The following SLC24A2 variants were observed in gnomAD, a reference collection of about 807,000 sequenced individuals.
SLC24A2 encodes sodium/potassium/calcium exchanger 2.
In SLC24A2, 36 loss-of-function variants were observed where a neutral mutation model predicts 62.0. That is an observed-to-expected ratio of 0.58 (90% CI 0.44 to 0.77). The LOEUF is 0.77. Among genes scored for constraint, SLC24A2 ranks in the 30% least tolerant of loss-of-function variants. The pLI is 0.00. For missense variants in SLC24A2, 846 were observed against 817.9 expected, an observed-to-expected ratio of 1.03 and a Z score of -0.42; for synonymous variants, 358 against 294.0, an observed-to-expected ratio of 1.22 and a Z score of -2.23.
the SLC24A2 span, among the ~76,000 whole-genome samples, chr9:19,955,391 T>TG: frequency 6.6e-6 from 1 of 151,192 alleles, no homozygotes; most frequent in African/African-American, 2.4e-5. Flanking sequence ...TTTTTTTTTT[T>TG]GTTTTCCTTT....
chr9:20,013,668 T>C, the SLC24A2 span, among the ~76,000 whole-genome samples: 1 of 152,120 alleles, frequency 6.6e-6, no homozygotes, highest in Admixed American at 6.6e-5. Flanking sequence ...AAGAAAACAG[T>C]TGAATATCAT....
chr9:19,560,621 T>G (rs1458875557), intron 7 of SLC24A2, among the ~76,000 whole-genome samples: 2 of 152,170 alleles, frequency 1.3e-5, no homozygotes, highest in East Asian at 1.9e-4. Flanking sequence ...AACCCCTAGA[T>G]CTGTGGCAAA....
the SLC24A2 span, among the ~76,000 whole-genome samples, chr9:19,838,317 GA>G: frequency 6.6e-6 from 1 of 152,088 alleles, no homozygotes; most frequent in Non-Finnish European, 1.5e-5. Flanking sequence ...AAGAAATGGG[GA>G]AAGGATTCCC....
intron 2 of SLC24A2, among the ~76,000 whole-genome samples, chr9:19,646,173 T>C (rs892458943): frequency 6.6e-6 from 1 of 152,246 alleles, no homozygotes; most frequent in African/African-American, 2.4e-5. Flanking sequence ...CCACTTTGTG[T>C]AACTAATAGT....
chr9:20,026,496 C>T, the SLC24A2 span, among the ~76,000 whole-genome samples: 1 of 152,060 alleles, frequency 6.6e-6, no homozygotes, highest in East Asian at 1.9e-4. Flanking sequence ...AATAAATGGC[C>T]TCAGAATTAC....
At chr9:20,183,094 C>A in the SLC24A2 span, among the ~76,000 whole-genome samples, 1 of 152,080 alleles carries the variant, frequency 6.6e-6, no homozygotes, top group Admixed American at 6.5e-5. Context: ...TTGAACTGAA[C>A]CTAAAATCTA....
At chr9:19,855,235 C>G in the SLC24A2 span, among the ~76,000 whole-genome samples, 3 of 152,146 alleles carry the variant, frequency 2.0e-5, no homozygotes, top group African/African-American at 7.2e-5. Context: ...GGTCTTGACT[C>G]TTTATCCAGC....
At chr9:20,238,693 G>A in the SLC24A2 span, among the ~76,000 whole-genome samples, 1 of 152,254 alleles carries the variant, frequency 6.6e-6, no homozygotes, top group Non-Finnish European at 1.5e-5. Context: ...ACACCCCAGT[G>A]TACATGTCTT....
At chr9:19,961,049 T>TGTGA in the SLC24A2 span, among the ~76,000 whole-genome samples, 2 of 148,644 alleles carry the variant, frequency 1.3e-5, no homozygotes, top group African/African-American at 2.5e-5. Context: ...TGTGTGTGTG[T>TGTGA]GTGAGTGAGA....
the SLC24A2 span, among the ~76,000 whole-genome samples, chr9:20,069,589 C>G: frequency 6.6e-6 from 1 of 152,220 alleles, no homozygotes; most frequent in Non-Finnish European, 1.5e-5. Flanking sequence ...TTCTCTTTCC[C>G]TCCGAAGGTA....
At chr9:19,827,306 C>G in the SLC24A2 span, among the ~76,000 whole-genome samples, 1 of 152,114 alleles carries the variant, frequency 6.6e-6, no homozygotes, top group Non-Finnish European at 1.5e-5. Context: ...TACCTCCACT[C>G]CCCAATGTGT....
the SLC24A2 span, among the ~76,000 whole-genome samples, chr9:20,004,422 T>C: frequency 2.0e-4 from 30 of 152,280 alleles, no homozygotes; most frequent in Admixed American, 6.5e-4. Context: ...AGAAGTGACA[T>C]TGTGACATTC....
chr9:19,657,633 C>T (rs1818979215), intron 2 of SLC24A2, among the ~76,000 whole-genome samples: 1 of 152,078 alleles, frequency 6.6e-6, no homozygotes, highest in Non-Finnish European at 1.5e-5. Flanking sequence ...ATCTCCATAA[C>T]CCCAAATCCT....
the SLC24A2 span, among the ~76,000 whole-genome samples, chr9:19,954,830 A>G: frequency 6.6e-6 from 1 of 152,108 alleles, no homozygotes; most frequent in Non-Finnish European, 1.5e-5. Flanking sequence ...GCCCACATCT[A>G]TAAGAAGAGA....
the SLC24A2 span, among the ~76,000 whole-genome samples, chr9:20,129,619 A>G: frequency 6.6e-6 from 1 of 152,112 alleles, no homozygotes; most frequent in African/African-American, 2.4e-5. Context: ...AAGCACTGAT[A>G]CATGCTACAA....
chr9:19,601,057 T>C (rs970929428), intron 4 of SLC24A2, among the ~76,000 whole-genome samples: 3 of 152,072 alleles, frequency 2.0e-5, no homozygotes, highest in Admixed American at 2.0e-4. Context: ...CAGCACTCTG[T>C]AGCTCCATTG....
the SLC24A2 span, among the ~76,000 whole-genome samples, chr9:19,962,417 G>T: frequency 6.6e-6 from 1 of 152,310 alleles, no homozygotes; most frequent in South Asian, 2.1e-4. Context: ...TTGGTAGCCT[G>T]ATGGGGATGG....
At chr9:20,202,340 G>T in the SLC24A2 span, among the ~76,000 whole-genome samples, 1 of 152,190 alleles carries the variant, frequency 6.6e-6, no homozygotes, top group African/African-American at 2.4e-5. Flanking sequence ...GTTAACCGAA[G>T]TTGTGTGAAA....
At chr9:20,115,193 G>A in the SLC24A2 span, among the ~76,000 whole-genome samples, 26 of 152,204 alleles carry the variant, frequency 1.7e-4, no homozygotes, top group African/African-American at 6.3e-4. Context: ...GCAAACAAAG[G>A]TTATCTTATC....
Sources: gnomAD v4.1 joint callset for allele counts (sites outside exome capture counted in the v4.1 genomes callset) on GRCh38, gnomAD v4.1.1 for gene constraint, MANE v1.5 for transcripts, NCBI Gene and HGNC (gene_info 2026-07-23, HGNC 2026-07-21) for gene names.